Variants in CHIC1 observed in about 807,000 individuals in gnomAD.
CHIC1 encodes the protein cysteine rich hydrophobic domain 1, also known as cysteine-rich hydrophobic domain-containing protein 1.
Under a neutral mutation model 18.5 loss-of-function variants are expected in CHIC1, and 7 were observed. That is an observed-to-expected ratio of 0.38 (90% CI 0.22 to 0.71). CHIC1 has a LOEUF of 0.71. Ranked by LOEUF, CHIC1 falls within the 30% of genes least tolerant of loss-of-function variation. The pLI is 0.49. For missense variants in CHIC1, 159 were observed against 176.9 expected (o/e 0.90, Z 0.57); for synonymous variants, 77 against 73.5 (o/e 1.05, Z -0.25).
At chrX:73,660,178 C>T (rs958534980) in intron 3 of CHIC1, among the ~76,000 whole-genome samples, 1 of 112,370 alleles carries the variant, frequency 8.9e-6, no homozygotes, top group Non-Finnish European at 1.9e-5. Context: ...TAAGGCATTT[C>T]CTTTACCATG....
At chrX:73,586,795 G>C (rs1429693454) in intron 3 of CHIC1, among the ~76,000 whole-genome samples, 1 of 111,740 alleles carries the variant, frequency 8.9e-6, no homozygotes, top group Non-Finnish European at 1.9e-5. Flanking sequence ...CTAGTCCTGA[G>C]ACCAGAAATG....
At chrX:73,602,485 A>T (rs1292165069) in intron 3 of CHIC1, among the ~76,000 whole-genome samples, 1 of 108,452 alleles carries the variant, frequency 9.2e-6, no homozygotes, top group Admixed American at 9.7e-5. Flanking sequence ...CTCTGATGAT[A>T]GTTTCTTTTG....
chrX:73,637,474 C>A (rs760793473), intron 3 of CHIC1, among the ~76,000 whole-genome samples: 2 of 110,602 alleles, frequency 1.8e-5, no homozygotes, highest in African/African-American at 6.5e-5. Flanking sequence ...TATCCCAAGT[C>A]TCTTCTTGGA....
intron 3 of CHIC1, among the ~76,000 whole-genome samples, chrX:73,653,684 T>C (rs1272104639): frequency 8.9e-6 from 1 of 112,610 alleles, no homozygotes; most frequent in Non-Finnish European, 1.9e-5. Flanking sequence ...TCTTCTAACC[T>C]ATTAGCATGG....
intron 2 of CHIC1, chrX:73,578,815 AG>A (rs2057513020): frequency 9.1e-6 from 1 of 110,274 alleles, no homozygotes; most frequent in Admixed American, 9.7e-5. Flanking sequence ...GATATCTTTT[AG>A]TATTGCTTTC....
At position 73,623,150 on chromosome X, in the gene CHIC1, G is replaced by A. The variant is rs762851689; in HGVS notation, c.507+38578G>A. On this transcript the variant is annotated intron_variant, in intron 3 of 5. Transcript: ENST00000373502. ...AGTGTGATGTGGTGCTGAGAAGAACGTATATTCTCTTGATTTGGGGTGGAG... is the reference window on the plus strand; with the variant it reads ...AGTGTGATGTGGTGCTGAGAAGAACATATATTCTCTTGATTTGGGGTGGAG... 1.5e-3 allele frequency among the ~76,000 whole-genome samples: 168 copies of A among 111,565 alleles called. 1 individual carries two copies. The highest frequency in any genetic ancestry group is 6.8e-3 in the South Asian group (18 of 2,654).
At chrX:73,616,180 T>C (rs2057732111) in intron 3 of CHIC1, among the ~76,000 whole-genome samples, 1 of 111,138 alleles carries the variant, frequency 9.0e-6, no homozygotes, top group Admixed American at 9.5e-5. Flanking sequence ...CCAATGTGAC[T>C]ACCCTCTATG....
intron 3 of CHIC1, among the ~76,000 whole-genome samples, chrX:73,608,139 T>C (rs777037155): frequency 9.1e-6 from 1 of 109,525 alleles, no homozygotes; most frequent in Non-Finnish European, 1.9e-5. Flanking sequence ...CAGGTTTCCC[T>C]GTAGCATTTG....
chrX:73,626,046 G>A (rs947957144), intron 3 of CHIC1, among the ~76,000 whole-genome samples: 13 of 110,862 alleles, frequency 1.2e-4, no homozygotes, highest in South Asian at 3.9e-4. Context: ...AAAGGGGTCC[G>A]GATCCAGACC....
intron 1 of CHIC1, among the ~76,000 whole-genome samples, chrX:73,564,908 T>C (rs1486724455): frequency 9.5e-6 from 1 of 105,096 alleles, no homozygotes; most frequent in Non-Finnish European, 1.9e-5. Context: ...GCAATTCTCC[T>C]GCCTCAGCCT....
intron 3 of CHIC1, among the ~76,000 whole-genome samples, chrX:73,600,830 A>T (rs1316634955): frequency 9.3e-6 from 1 of 107,166 alleles, no homozygotes; most frequent in Non-Finnish European, 1.9e-5. Flanking sequence ...GTGCAGAGAC[A>T]CACATAGGCT....
At chrX:73,610,597 GAGTT>G (rs2057703801) in intron 3 of CHIC1, among the ~76,000 whole-genome samples, 1 of 108,755 alleles carries the variant, frequency 9.2e-6, no homozygotes, top group African/African-American at 3.6e-5. Context: ...CTATTAGAAT[GAGTT>G]AGGAAGAATT....
rs1382426360 is a variant in CHIC1 at position 73,686,417 on chromosome X, G to A, written c.*5412G>A. The stretch of plus-strand genomic sequence containing the variant: ...TTGCTCATACATACACACACATATA[G>A]GATTACAAATGTGGAAAATGTTATA... On this transcript the variant is annotated 3_prime_UTR_variant, in exon 6 of 6. Transcript: ENST00000373502. 1 of 110,937 alleles carries A rather than the reference G, an allele frequency of 9.0e-6. No homozygotes were observed. The highest frequency in any genetic ancestry group is 1.9e-5 in the Non-Finnish European group (1 of 52,717). The allele number at this position is 110,937 out of a possible 1,213,427, so 9.1% of individuals were successfully genotyped here. A position where few individuals can be genotyped will look rare whatever the true frequency, so the allele number is the denominator to read the frequency against.
intron 3 of CHIC1, among the ~76,000 whole-genome samples, chrX:73,669,102 C>T (rs2058018040): frequency 9.0e-6 from 1 of 111,497 alleles, no homozygotes; most frequent in Non-Finnish European, 1.9e-5. Context: ...CTGGTCATGC[C>T]TTAACAGAAC....
intron 3 of CHIC1, among the ~76,000 whole-genome samples, chrX:73,648,844 A>G (rs1208590045): frequency 9.0e-6 from 1 of 111,694 alleles, no homozygotes; most frequent in African/African-American, 3.3e-5. Context: ...CAGGAAATAC[A>G]GAGAACACTA....
intron 3 of CHIC1, among the ~76,000 whole-genome samples, chrX:73,604,497 T>A (rs2057669268): frequency 9.3e-6 from 1 of 108,078 alleles, no homozygotes; most frequent in Admixed American, 9.7e-5. Flanking sequence ...TTTTCGTGTC[T>A]CTATCTCCCA....
chrX:73,655,338 A>G (rs1006067331), intron 3 of CHIC1, among the ~76,000 whole-genome samples: 8 of 103,696 alleles, frequency 7.7e-5, no homozygotes, highest in African/African-American at 2.8e-4. Flanking sequence ...TATATACACT[A>G]TATATACACA....
At chrX:73,612,325 A>AT (rs1377541814) in intron 3 of CHIC1, among the ~76,000 whole-genome samples, 1 of 107,975 alleles carries the variant, frequency 9.3e-6, no homozygotes. Context: ...TCTGATCTTC[A>AT]TTTTTTTTCA....
chrX:73,671,758 T>C (rs1373373793), intron 3 of CHIC1, among the ~76,000 whole-genome samples: 1 of 110,511 alleles, frequency 9.0e-6, no homozygotes, highest in Non-Finnish European at 1.9e-5. Flanking sequence ...TTTGTGCTTG[T>C]TCTTTTTTTT....
Sources: allele counts gnomAD v4.1 joint callset (sites outside exome capture counted in the v4.1 genomes callset), GRCh38; gene constraint gnomAD v4.1.1; transcripts MANE v1.5; gene names NCBI Gene and HGNC (gene_info 2026-07-23, HGNC 2026-07-21).